Variants in CCDC85A observed in about 807,000 individuals in gnomAD.
CCDC85A encodes coiled-coil domain-containing protein 85A.
CCDC85A carries 38 observed loss-of-function variants against 50.2 expected under a neutral mutation model. The observed-to-expected ratio is 0.76, with a 90% CI of 0.58 to 0.99. The LOEUF (loss-of-function observed/expected upper bound fraction) is 0.99. Among genes scored for constraint, CCDC85A ranks in the 50% least tolerant of loss-of-function variants. CCDC85A has a pLI of 0.00. For missense variants in CCDC85A, 820 were observed against 742.0 expected (o/e 1.11, Z -1.22); for synonymous variants, 366 against 301.4 (o/e 1.21, Z -2.22).
At chr2:56,324,513 A>C (rs1673369949) in intron 2 of CCDC85A, among the ~76,000 whole-genome samples, 1 of 152,034 alleles carries the variant, frequency 6.6e-6, no homozygotes, top group Non-Finnish European at 1.5e-5. Flanking sequence ...ATCTTATTAG[A>C]ATGGAATTTT....
At chr2:56,207,265 C>A (rs1573024271) in intron 2 of CCDC85A, among the ~76,000 whole-genome samples, 1 of 152,290 alleles carries the variant, frequency 6.6e-6, no homozygotes, top group East Asian at 1.9e-4. Flanking sequence ...TGTGGAGCCT[C>A]CCTGGGGCTG....
At chr2:56,272,816 C>G (rs1437859717) in intron 2 of CCDC85A, among the ~76,000 whole-genome samples, 2 of 152,152 alleles carry the variant, frequency 1.3e-5, no homozygotes, top group Non-Finnish European at 2.9e-5. Context: ...ACTTGCTCAG[C>G]CTATTCCAAC....
In CCDC85A at chr2:56,385,556, C is replaced by A. The variant is rs1411526335; in HGVS notation, c.*1201C>A. Reference sequence around the variant, plus strand: ...TATGAATGTGCAAGAGGCCTGTGACCGAATGCTACGTTTTTATGGTAGTTT... The same window carrying A: ...TATGAATGTGCAAGAGGCCTGTGACAGAATGCTACGTTTTTATGGTAGTTT... On this transcript the variant is annotated 3_prime_UTR_variant, in exon 6 of 6. Coordinates refer to ENST00000407595, the MANE Select transcript of CCDC85A (RefSeq NM_001080433.2). The A allele has an allele frequency of 6.6e-6, 1 of 151,984 alleles. No homozygotes were observed. Among genetic ancestry groups the A allele is most frequent in the Non-Finnish European group, 1.5e-5 (1 of 67,786 alleles). The allele number at this position is 151,984 out of a possible 1,614,324, so 9.4% of individuals were successfully genotyped here. A position where few individuals can be genotyped will look rare whatever the true frequency, so the allele number is the denominator to read the frequency against.
chr2:56,380,915 C>G (rs1676554956), intron 5 of CCDC85A, among the ~76,000 whole-genome samples: 1 of 152,104 alleles, frequency 6.6e-6, no homozygotes, highest in Non-Finnish European at 1.5e-5. Flanking sequence ...TCCTCATATT[C>G]TTTTCTCTAT....
At position 56,380,499 on chromosome 2, in the gene CCDC85A, G is replaced by A. The variant is rs375033622; in HGVS notation, c.1573-3767G>A. Among the ~76,000 whole-genome samples, 37 of 151,734 alleles carry A rather than the reference G, an allele frequency of 2.4e-4. No individual in the cohort carries two copies. The South Asian group carries it at 7.5e-3, about 31-fold the overall frequency. On this transcript the variant is annotated intron_variant, in intron 5 of 5. Coordinates refer to ENST00000407595, the MANE Select transcript of CCDC85A (RefSeq NM_001080433.2). ...TGCTTTAGCCCAGGAGTTTGAGGCTGCAGTGAGCTATGATCATACCACTCC... is the reference window on the plus strand; with the variant it reads ...TGCTTTAGCCCAGGAGTTTGAGGCTACAGTGAGCTATGATCATACCACTCC...
upstream of CCDC85A, chr2:56,183,933 G>T: frequency 1.0e-5 from 10 of 985,412 alleles, no homozygotes; most frequent in Non-Finnish European, 1.2e-5. Flanking sequence ...GCTGCTGCGG[G>T]TTACGGGTGG....
intron 2 of CCDC85A, among the ~76,000 whole-genome samples, chr2:56,232,352 C>A (rs1668809850): frequency 6.6e-6 from 1 of 152,154 alleles, no homozygotes. Context: ...CCAAATATCT[C>A]CTAGTTGCCT....
chr2:56,218,897 G>A (rs908097302), intron 2 of CCDC85A, among the ~76,000 whole-genome samples: 9 of 151,568 alleles, frequency 5.9e-5, no homozygotes, highest in African/African-American at 2.2e-4. Flanking sequence ...AAAAGGTTTA[G>A]ACATAAAATA....
At chr2:56,204,138 T>A (rs964029502) in intron 2 of CCDC85A, among the ~76,000 whole-genome samples, 3 of 152,216 alleles carry the variant, frequency 2.0e-5, no homozygotes, top group Non-Finnish European at 2.9e-5. Context: ...AATTGCCAAC[T>A]TTTTACTTCA....
At chr2:56,263,142 A>G (rs1670290590) in intron 2 of CCDC85A, among the ~76,000 whole-genome samples, 1 of 152,198 alleles carries the variant, frequency 6.6e-6, no homozygotes, top group African/African-American at 2.4e-5. Flanking sequence ...GTGACATCCT[A>G]TAGAAATACA....
At chr2:56,204,070 A>G (rs1452511479) in intron 2 of CCDC85A, among the ~76,000 whole-genome samples, 1 of 152,174 alleles carries the variant, frequency 6.6e-6, no homozygotes, top group Non-Finnish European at 1.5e-5. Context: ...AATTTTTCTG[A>G]GTCAGTAGTA....
At chr2:56,280,127 C>T (rs1194547126) in intron 2 of CCDC85A, among the ~76,000 whole-genome samples, 3 of 152,184 alleles carry the variant, frequency 2.0e-5, no homozygotes, top group African/African-American at 4.8e-5. Context: ...GTCTCTCTCT[C>T]TTAGAACCTT....
chr2:56,300,149 G>A (rs1006236419), intron 2 of CCDC85A, among the ~76,000 whole-genome samples: 8 of 152,196 alleles, frequency 5.3e-5, no homozygotes, highest in East Asian at 1.9e-4. Context: ...GAGCTGGCCT[G>A]TTAGGTTATC....
chr2:56,215,795 T>C (rs1677368295), intron 2 of CCDC85A, among the ~76,000 whole-genome samples: 2 of 151,902 alleles, frequency 1.3e-5, no homozygotes, highest in South Asian at 4.1e-4. Flanking sequence ...GTCGGTAAAT[T>C]ATGGCCAGTA....
chr2:56,223,017 C>T (rs565293791), intron 2 of CCDC85A, among the ~76,000 whole-genome samples: 7 of 152,138 alleles, frequency 4.6e-5, no homozygotes, highest in African/African-American at 1.4e-4. Flanking sequence ...CCTACCTACG[C>T]GTAAGTGCCA....
chr2:56,192,404 C>G lies in CCDC85A; in HGVS notation c.277-73C>G. 1.3e-6 allele frequency: 2 copies of G among 1,527,692 alleles called. No individual in the cohort carries two copies. Among genetic ancestry groups the G allele is most frequent in the East Asian group, 2.3e-5 (1 of 44,134 alleles). The allele number at this position is 1,527,692 out of a possible 1,614,324, so 94.6% of individuals were successfully genotyped here. ...GTAATTCACCAGTTACAGGCTCTCC[C>G]TTTCCAGGAAGTCTGAGCCTGCTGA... is the stretch of plus-strand genomic sequence containing the variant. On this transcript the variant is annotated intron_variant, in intron 1 of 5. Transcript: ENST00000407595. This position sits in a 1 kb window ranked among gnomAD's most constrained non-coding sequence, Gnocchi z 4.7.
intron 2 of CCDC85A, among the ~76,000 whole-genome samples, chr2:56,283,713 A>G (rs1453499933): frequency 6.6e-6 from 1 of 152,156 alleles, no homozygotes; most frequent in East Asian, 1.9e-4. Flanking sequence ...GAGTTGTGAT[A>G]TCTGTAGGAT....
At chr2:56,320,246 A>C (rs1226426594) in intron 2 of CCDC85A, among the ~76,000 whole-genome samples, 1 of 152,188 alleles carries the variant, frequency 6.6e-6, no homozygotes, top group Non-Finnish European at 1.5e-5. Context: ...AGCAAGAGCA[A>C]ACACATTCAA....
At chr2:56,281,098 A>C (rs1356973713) in intron 2 of CCDC85A, among the ~76,000 whole-genome samples, 1 of 152,154 alleles carries the variant, frequency 6.6e-6, no homozygotes, top group African/African-American at 2.4e-5. Context: ...TCTTACAGTG[A>C]ATCTCTAAAC....
Sources: allele counts gnomAD v4.1 joint callset (sites outside exome capture counted in the v4.1 genomes callset), GRCh38; gene constraint gnomAD v4.1.1; non-coding constraint Gnocchi (gnomAD v3.1); transcripts MANE v1.5; gene names NCBI Gene and HGNC (gene_info 2026-07-23, HGNC 2026-07-21).